ALDH1A2: variants seen among roughly 807,000 people sequenced by gnomAD.
The protein encoded by ALDH1A2 is retinal dehydrogenase 2.
Under a neutral mutation model 60.3 loss-of-function variants are expected in ALDH1A2, and 27 were observed. That is an observed-to-expected ratio of 0.45 (90% CI 0.33 to 0.62). The LOEUF (loss-of-function observed/expected upper bound fraction) is 0.62. Among genes scored for constraint, ALDH1A2 ranks in the 20% least tolerant of loss-of-function variants. ALDH1A2 has a pLI of 0.02. For missense variants in ALDH1A2, 581 were observed against 643.8 expected (o/e 0.90, Z 1.06); for synonymous variants, 289 against 232.4 (o/e 1.24, Z -2.21).
intron 4 of ALDH1A2, among the ~76,000 whole-genome samples, chr15:57,997,616 T>C (rs1895108006): frequency 6.6e-6 from 1 of 152,002 alleles, no homozygotes; most frequent in Non-Finnish European, 1.5e-5. Context: ...CATTTCCCCC[T>C]ACACATTTTA....
In ALDH1A2 at chr15:58,065,588, C is replaced by A. The variant is rs748689904; in HGVS notation, c.63G>T (p.Ala21=). 1 of 1,613,004 alleles carries A rather than the reference C, an allele frequency of 6.2e-7. No individual in the cohort carries two copies. The highest frequency in any genetic ancestry group is 1.7e-5 in the Admixed American group (1 of 59,962). ...TGGGCGACGGCAGGAGGTGCAGCGACGCCATGAGGGCGGCGGGGTCGGCCT... is the reference window on the plus strand; with the variant it reads ...TGGGCGACGGCAGGAGGTGCAGCGAAGCCATGAGGGCGGCGGGGTCGGCCT... ...EVKADPAALM[A]SLHLLPSPTP... Residue 21 remains alanine (A), a synonymous_variant, in exon 1 of 13, where the codon GCG becomes GCT. Transcript: ENST00000249750.
intron 4 of ALDH1A2, among the ~76,000 whole-genome samples, chr15:58,007,826 CA>C (rs1335373017): frequency 2.7e-5 from 4 of 146,484 alleles, no homozygotes; most frequent in African/African-American, 1.0e-4. Context: ...TATGCAGAGA[CA>C]AAATGAAGCT....
intron 7 of ALDH1A2, chr15:57,991,323 A>G (rs758685513): frequency 6.6e-6 from 1 of 152,240 alleles, no homozygotes; most frequent in Non-Finnish European, 1.5e-5. Context: ...ATATTTCATT[A>G]AACTGCAAAA....
chr15:58,033,989 A>G (rs1391127833), intron 1 of ALDH1A2, among the ~76,000 whole-genome samples: 1 of 151,470 alleles, frequency 6.6e-6, no homozygotes, highest in African/African-American at 2.4e-5. Context: ...GCCTTTCCAT[A>G]TAAACTTTAT....
chr15:58,064,199 C>T (rs1468275681), intron 1 of ALDH1A2, among the ~76,000 whole-genome samples: 1 of 152,104 alleles, frequency 6.6e-6, no homozygotes, highest in Non-Finnish European at 1.5e-5. Flanking sequence ...CCTGCTCGTT[C>T]CTAAACCCAG....
At chr15:57,977,718 A>G (rs1894312211) in intron 7 of ALDH1A2, among the ~76,000 whole-genome samples, 1 of 152,178 alleles carries the variant, frequency 6.6e-6, no homozygotes, top group Non-Finnish European at 1.5e-5. Flanking sequence ...ATTCCATATG[A>G]AATTTAAAGT....
chr15:57,978,999 C>T (rs1344713164), intron 7 of ALDH1A2, among the ~76,000 whole-genome samples: 1 of 152,182 alleles, frequency 6.6e-6, no homozygotes, highest in Admixed American at 6.5e-5. Flanking sequence ...CATGCCACTG[C>T]ACTCCAGACT....
intron 1 of ALDH1A2, among the ~76,000 whole-genome samples, chr15:58,036,293 C>T (rs1037671166): frequency 4.6e-5 from 7 of 151,578 alleles, no homozygotes; most frequent in African/African-American, 1.2e-4. Flanking sequence ...TAATTATGCA[C>T]ACACATATAC....
chr15:58,027,459 G>A (rs1475831839), intron 1 of ALDH1A2, among the ~76,000 whole-genome samples: 1 of 152,084 alleles, frequency 6.6e-6, no homozygotes, highest in African/African-American at 2.4e-5. Flanking sequence ...AGCAGAAAAG[G>A]TGAAAATTCT....
intron 1 of ALDH1A2, among the ~76,000 whole-genome samples, chr15:58,062,205 T>C (rs1285791488): frequency 6.6e-6 from 1 of 151,568 alleles, no homozygotes. Flanking sequence ...CCATATAATA[T>C]CAGATGCAGA....
chr15:58,039,486 C>A (rs767191244), intron 1 of ALDH1A2, among the ~76,000 whole-genome samples: 1 of 151,790 alleles, frequency 6.6e-6, no homozygotes. Flanking sequence ...AGGCCATTCC[C>A]ATTTACTATC....
intron 1 of ALDH1A2, among the ~76,000 whole-genome samples, chr15:58,058,639 C>T (rs1469904710): frequency 2.0e-5 from 3 of 151,900 alleles, no homozygotes; most frequent in African/African-American, 7.2e-5. Flanking sequence ...ATGCTAAATT[C>T]TTCTAGATAA....
In ALDH1A2 at chr15:58,013,905, A is replaced by G; in HGVS notation, c.316T>C (p.Leu106=). The part of the protein sequence containing the change: ...RMDASERGRL[L]DKLADLVERD... ...TCCACCAAGTCTGCAAGCTTATCCA[A>G]CAGACGTCCCCTTTCTGAAGCATCC... The change falls in exon 3 of 13, where the codon TTG becomes CTG. Residue 106 remains leucine, a synonymous_variant. Coordinates refer to ENST00000249750, the MANE Select transcript of ALDH1A2 (RefSeq NM_003888.4). 1 of 1,614,184 alleles carries G rather than the reference A, an allele frequency of 6.2e-7. No homozygotes were observed. The highest frequency in any genetic ancestry group is 8.5e-7 in the Non-Finnish European group (1 of 1,180,012).
At chr15:58,021,881 T>C (rs1207986114) in intron 1 of ALDH1A2, among the ~76,000 whole-genome samples, 9 of 152,140 alleles carry the variant, frequency 5.9e-5, no homozygotes, top group Non-Finnish European at 1.2e-4. Flanking sequence ...CTGGAATTGG[T>C]GGTGAGCTGG....
In ALDH1A2 at chr15:58,014,218, C is replaced by A. The variant is rs751657419; in HGVS notation, c.181G>T (p.Ala61Ser). Residue 61 changes from alanine to serine, a missense_variant, in exon 2 of 13, where the codon GCC becomes TCC. Physicochemically the swap from Ala to Ser is moderately conservative, Grantham distance 99 (BLOSUM62 1). Transcript: ENST00000249750. ...ACTTCACACACCTGTTCTCCTGTGGCTGGATTATAGACAGGGAACACTCTC... is the reference window on the plus strand; with the variant it reads ...ACTTCACACACCTGTTCTCCTGTGGATGGATTATAGACAGGGAACACTCTC... Reference protein sequence around the residue: ...SGRVFPVYNPATGEQVCEVQE... With the variant: ...SGRVFPVYNPSTGEQVCEVQE... The A allele has an allele frequency of 6.2e-7, 1 of 1,614,094 alleles. No homozygotes were observed. Among genetic ancestry groups the A allele is most frequent in the Non-Finnish European group, 8.5e-7 (1 of 1,179,978 alleles).
At chr15:58,048,646 T>G (rs1375525000) in intron 1 of ALDH1A2, among the ~76,000 whole-genome samples, 1 of 152,008 alleles carries the variant, frequency 6.6e-6, no homozygotes, top group Non-Finnish European at 1.5e-5. Flanking sequence ...TGACCTATGA[T>G]GCAGACCTAG....
chr15:57,969,878 T>G (rs565706488), intron 7 of ALDH1A2, among the ~76,000 whole-genome samples: 28 of 152,190 alleles, frequency 1.8e-4, no homozygotes, highest in Non-Finnish European at 3.5e-4. Context: ...ATATTTAGGC[T>G]TATGGACGAC....
intron 7 of ALDH1A2, among the ~76,000 whole-genome samples, chr15:57,982,162 T>C (rs1466125520): frequency 6.6e-6 from 1 of 152,226 alleles, no homozygotes; most frequent in Admixed American, 6.5e-5. Context: ...AAACACACTC[T>C]TTCTGGGGAA....
intron 1 of ALDH1A2, among the ~76,000 whole-genome samples, chr15:58,025,034 T>C (rs1438017524): frequency 1.3e-5 from 2 of 152,044 alleles, no homozygotes; most frequent in African/African-American, 4.8e-5. Flanking sequence ...ACAAAAGCAG[T>C]GCTAAGAGGA....
Sources: gnomAD v4.1 joint callset for allele counts (sites outside exome capture counted in the v4.1 genomes callset) on GRCh38, gnomAD v4.1.1 for gene constraint, MANE v1.5 for transcripts, NCBI Gene and HGNC (gene_info 2026-07-23, HGNC 2026-07-21) for gene names.